The following SLC2A14 variants were observed in gnomAD, a reference collection of about 807,000 sequenced individuals.
SLC2A14 encodes solute carrier family 2 member 14, also known as solute carrier family 2, facilitated glucose transporter member 14.
In SLC2A14, 13 loss-of-function variants were observed where a neutral mutation model predicts 43.0. That is an observed-to-expected ratio of 0.30 (90% CI 0.20 to 0.48). The LOEUF (loss-of-function observed/expected upper bound fraction) is 0.48. SLC2A14 is among the 20% of genes least tolerant of loss of function. The pLI is 0.99. For missense variants in SLC2A14, 428 were observed against 620.4 expected (o/e 0.69, Z 3.29); for synonymous variants, 190 against 233.8 (o/e 0.81, Z 1.71).
chr12:7,875,036 T>C (rs1293570211), upstream of SLC2A14, among the ~76,000 whole-genome samples: 1 of 113,116 alleles, frequency 8.8e-6, no homozygotes, highest in Non-Finnish European at 1.7e-5. Context: ...AATACATATA[T>C]AAATATATAT....
chr12:7,830,103 T>C (rs1201530393), intron 4 of SLC2A14, 97 bp from the exon 5 acceptor site: 2 of 1,470,900 alleles, frequency 1.4e-6, no homozygotes, highest in Non-Finnish European at 1.8e-6. Context: ...TCCAGGCTTA[T>C]ATCAACTCCT....
At chr12:7,853,211 T>G (rs1867077364) in intron 2 of SLC2A14, among the ~76,000 whole-genome samples, 1 of 150,820 alleles carries the variant, frequency 6.6e-6, no homozygotes, top group Admixed American at 6.6e-5. Flanking sequence ...GAGGCTGAGG[T>G]GGATGGATCA....
upstream of SLC2A14, among the ~76,000 whole-genome samples, chr12:7,874,409 C>T (rs1945373329): frequency 6.6e-6 from 1 of 151,970 alleles, no homozygotes; most frequent in Non-Finnish European, 1.5e-5. Context: ...TGCAGTGGCT[C>T]ATGCCTGTAA....
intron 4 of SLC2A14, among the ~76,000 whole-genome samples, chr12:7,830,898 C>T (rs9804906): frequency 0.012 from 1,885 of 151,982 alleles, 38 homozygotes; most frequent in African/African-American, 0.042. Context: ...CTGAGGTGGG[C>T]GGATCACGTA....
At chr12:7,848,596 C>T (rs1866663343) in intron 2 of SLC2A14, among the ~76,000 whole-genome samples, 1 of 151,818 alleles carries the variant, frequency 6.6e-6, no homozygotes. Context: ...GCTCTTGTCG[C>T]CCAGGCTGGA....
chr12:7,828,593 T>C (rs1864708057), intron 6 of SLC2A14, 111 bp downstream of exon 6: 2 of 1,171,170 alleles, frequency 1.7e-6, no homozygotes, highest in East Asian at 2.4e-5. Flanking sequence ...CATCTTCACT[T>C]GGATTCTGAC....
chr12:7,857,349 G>A (rs996150749), intron 2 of SLC2A14, among the ~76,000 whole-genome samples: 2 of 152,178 alleles, frequency 1.3e-5, no homozygotes, highest in African/African-American at 4.8e-5. Context: ...AGCATTTTGG[G>A]AGGCCAAGGT....
At chr12:7,838,415 C>T (rs1227108494) in intron 2 of SLC2A14, among the ~76,000 whole-genome samples, 1 of 152,108 alleles carries the variant, frequency 6.6e-6, no homozygotes, top group Non-Finnish European at 1.5e-5. Context: ...TGGAATTTGC[C>T]TTACTAGAAT....
intron 2 of SLC2A14, among the ~76,000 whole-genome samples, chr12:7,859,250 C>T (rs1165569781): frequency 3.3e-5 from 5 of 151,926 alleles, no homozygotes; most frequent in African/African-American, 2.4e-5. Context: ...GTTAGCTAGG[C>T]GTAGTGGCGC....
In SLC2A14 at chr12:7,828,807, A is replaced by G; in HGVS notation, c.573T>C (p.Phe191=). 2.5e-6 allele frequency: 4 copies of G among 1,614,220 alleles called. No individual in the cohort carries two copies. Among genetic ancestry groups the G allele is most frequent in the Non-Finnish European group, 3.4e-6 (4 of 1,180,032 alleles). The change falls in exon 6 of 11, where the codon TTT becomes TTC. Residue 191 remains phenylalanine (F), a synonymous_variant. Coordinates refer to ENST00000431042, the MANE Select transcript of SLC2A14 (RefSeq NM_001286234.2). ...TTTGCAGGATAGCTGGAAGGATGGT[A>G]AAGCCTAATAGCACCGGCCATAGCT... ...SEELWPVLLG[F]TILPAILQSA...
chr12:7,879,799 G>C (rs1281966023), intron 1 of SLC2A14, among the ~76,000 whole-genome samples: 1 of 152,140 alleles, frequency 6.6e-6, no homozygotes, highest in Non-Finnish European at 1.5e-5. Flanking sequence ...GAGCCCAAGA[G>C]TTCAAGACCA....
intron 7 of SLC2A14, among the ~76,000 whole-genome samples, chr12:7,826,922 TTTTC>T (rs1266621551): frequency 7.9e-6 from 1 of 125,910 alleles, no homozygotes; most frequent in Admixed American, 8.1e-5. Flanking sequence ...TCTTTTTCCT[TTTTC>T]TTTCCTTTCC....
chr12:7,865,481 G>A (rs1944858241), intron 2 of SLC2A14, among the ~76,000 whole-genome samples: 1 of 151,854 alleles, frequency 6.6e-6, no homozygotes, highest in African/African-American at 2.4e-5. Flanking sequence ...AGGTTACAGT[G>A]AGCCGAGATC....
intron 2 of SLC2A14, among the ~76,000 whole-genome samples, chr12:7,851,423 C>T (rs973288749): frequency 6.6e-6 from 1 of 152,050 alleles, no homozygotes; most frequent in Non-Finnish European, 1.5e-5. Flanking sequence ...CAAATATATA[C>T]TTGAAACTGC....
rs1945314660 is a variant in SLC2A14, at chr12:7,872,838, G to C, written c.-89C>G. ...GACCCCGCGACTGCGGTTGGGCCCC[G>C]CGGCTTCGCTCAACCACGCACCTCC... is the stretch of plus-strand genomic sequence containing the variant. On this transcript the variant is annotated 5_prime_UTR_variant, in exon 1 of 11. Transcript: ENST00000431042. 8.1e-6 allele frequency: 8 copies of C among 985,516 alleles called. No individual in the cohort carries two copies. Among genetic ancestry groups the C allele is most frequent in the Non-Finnish European group, 9.6e-6 (8 of 830,044 alleles). The allele number at this position is 985,516 out of a possible 1,614,324, so 61.0% of individuals were successfully genotyped here. A position where few individuals can be genotyped will look rare whatever the true frequency, so the allele number is the denominator to read the frequency against.
In SLC2A14 at chr12:7,817,733, C is replaced by T; in HGVS notation, c.1275+98G>A. On this transcript the variant is annotated intron_variant, in intron 10 of 10. Coordinates refer to ENST00000431042, the MANE Select transcript of SLC2A14 (RefSeq NM_001286234.2). ...ACTGCACACCAGGGCGAGACTCAGTCTCAAAAATATATATATATATAGATA... is the reference window on the plus strand; with the variant it reads ...ACTGCACACCAGGGCGAGACTCAGTTTCAAAAATATATATATATATAGATA... The T allele has an allele frequency of 9.1e-6, 5 of 549,834 alleles. 1 individual carries two copies. The highest frequency in any genetic ancestry group is 1.1e-5 in the Non-Finnish European group (5 of 440,146). 34.1% of individuals were successfully genotyped at this position (549,834 alleles called of 1,614,324 possible).
chr12:7,871,831 A>T (rs1423358913), intron 1 of SLC2A14: 2 of 865,416 alleles, frequency 2.3e-6, no homozygotes. Context: ...AGGACACTAG[A>T]CTCCTCCCCT....
chr12:7,880,955 C>G (rs868609169), intron 1 of SLC2A14, among the ~76,000 whole-genome samples: 3 of 152,220 alleles, frequency 2.0e-5, no homozygotes, highest in African/African-American at 7.2e-5. Flanking sequence ...GCCTGACCAA[C>G]AAGGTGAAAC....
At chr12:7,816,842 G>C (rs1863498890) in intron 10 of SLC2A14, among the ~76,000 whole-genome samples, 1 of 151,812 alleles carries the variant, frequency 6.6e-6, no homozygotes, top group African/African-American at 2.4e-5. Flanking sequence ...CGAGTAGCTA[G>C]GACTACAGGT....
Sources: allele counts gnomAD v4.1 joint callset (sites outside exome capture counted in the v4.1 genomes callset), GRCh38; gene constraint gnomAD v4.1.1; transcripts MANE v1.5; gene names NCBI Gene and HGNC (gene_info 2026-07-23, HGNC 2026-07-21).